UNC13C: variants seen among roughly 807,000 people sequenced by gnomAD.
The protein encoded by UNC13C is unc-13 homolog C.
A neutral mutation model predicts 245.4 loss-of-function variants in UNC13C; 174 were observed. That is an observed-to-expected ratio of 0.71 (90% confidence interval 0.63 to 0.80). The LOEUF is 0.80. Among genes scored for constraint, UNC13C ranks in the 30% least tolerant of loss-of-function variants. The pLI is 0.00. For missense variants in UNC13C, 2,829 were observed against 2,602.9 expected (o/e 1.09, Z -1.89); for synonymous variants, 992 against 895.1 (o/e 1.11, Z -1.93).
the UNC13C span, among the ~76,000 whole-genome samples, chr15:53,928,983 G>A: frequency 6.6e-6 from 1 of 152,180 alleles, no homozygotes; most frequent in Non-Finnish European, 1.5e-5. Context: ...AGTGTTTGCT[G>A]GGTGATATTA....
intron 4 of UNC13C, among the ~76,000 whole-genome samples, chr15:54,158,718 T>C (rs922831528): frequency 6.6e-6 from 1 of 152,052 alleles, no homozygotes; most frequent in African/African-American, 2.4e-5. Flanking sequence ...GGCACAATCA[T>C]GGTTCACTGC....
intron 7 of UNC13C, among the ~76,000 whole-genome samples, chr15:54,244,391 G>C (rs527691375): frequency 6.6e-6 from 1 of 152,122 alleles, no homozygotes; most frequent in Non-Finnish European, 1.5e-5. Flanking sequence ...ACTATAGTTC[G>C]AAGGTGGGTA....
At chr15:54,548,640 T>A (rs1307759426) in intron 27 of UNC13C, among the ~76,000 whole-genome samples, 1 of 152,094 alleles carries the variant, frequency 6.6e-6, no homozygotes, top group Non-Finnish European at 1.5e-5. Flanking sequence ...AGCCCTATTA[T>A]TTTTAGTGTG....
At chr15:54,530,733 C>T (rs770343091) in intron 25 of UNC13C, among the ~76,000 whole-genome samples, 6 of 152,014 alleles carry the variant, frequency 3.9e-5, no homozygotes, top group Non-Finnish European at 8.8e-5. Flanking sequence ...TAACAGTGGC[C>T]ATGAGATAAG....
intron 2 of UNC13C, among the ~76,000 whole-genome samples, chr15:54,054,421 C>T (rs991187789): frequency 5.3e-5 from 8 of 152,218 alleles, no homozygotes; most frequent in Admixed American, 4.6e-4. Flanking sequence ...AGGCTGCCCT[C>T]GTTAAATTGT....
At chr15:53,951,675 G>C in the UNC13C span, among the ~76,000 whole-genome samples, 1 of 152,054 alleles carries the variant, frequency 6.6e-6, no homozygotes, top group African/African-American at 2.4e-5. Flanking sequence ...AGTTCTGTTT[G>C]GCCCGCAAAT....
intron 19 of UNC13C, among the ~76,000 whole-genome samples, chr15:54,452,262 C>T (rs1891221255): frequency 6.6e-6 from 1 of 152,170 alleles, no homozygotes; most frequent in Admixed American, 6.5e-5. Context: ...TTGGTTTGCT[C>T]AGATGCCAGC....
chr15:54,458,680 C>CTTTTTTTTTTTTTTTTTTTTTTTT (rs79291504), intron 19 of UNC13C, among the ~76,000 whole-genome samples: 2 of 65,974 alleles, frequency 3.0e-5, no homozygotes, highest in Non-Finnish European at 5.2e-5. Context: ...CCTTTAAGGT[C>CTTTTTTTTTTTTTTTTTTTTTTTT]TTTTTTTTTT....
intron 1 of UNC13C, among the ~76,000 whole-genome samples, chr15:54,003,893 C>T (rs1012115144): frequency 7.9e-5 from 12 of 152,050 alleles, no homozygotes; most frequent in African/African-American, 2.4e-4. Flanking sequence ...CACCTGTAGT[C>T]CCAGCTACTT....
At chr15:54,060,735 T>C (rs1400044186) in intron 2 of UNC13C, among the ~76,000 whole-genome samples, 1 of 152,132 alleles carries the variant, frequency 6.6e-6, no homozygotes, top group East Asian at 1.9e-4. Context: ...CCAACAGTGA[T>C]AGACTGGATT....
At chr15:54,509,146 C>A (rs1255559718) in intron 23 of UNC13C, among the ~76,000 whole-genome samples, 1 of 152,148 alleles carries the variant, frequency 6.6e-6, no homozygotes, top group Non-Finnish European at 1.5e-5. Context: ...TTGCAGTGAG[C>A]CAAGATTGTG....
chr15:54,526,391 T>A (rs1421522260), intron 25 of UNC13C, among the ~76,000 whole-genome samples: 1 of 152,204 alleles, frequency 6.6e-6, no homozygotes, highest in Non-Finnish European at 1.5e-5. Context: ...AAATAACTGA[T>A]GTATTATTTT....
chr15:54,613,337 C>G (rs1900226841), intron 30 of UNC13C, among the ~76,000 whole-genome samples: 2 of 151,732 alleles, frequency 1.3e-5, no homozygotes, highest in South Asian at 4.1e-4. Context: ...TAAAAAATGT[C>G]TATTAAAATT....
intron 29 of UNC13C, among the ~76,000 whole-genome samples, chr15:54,566,100 C>T (rs1427937872): frequency 1.3e-5 from 2 of 151,948 alleles, no homozygotes; most frequent in Admixed American, 1.3e-4. Flanking sequence ...TCTAGCATTG[C>T]TCTTTACTCT....
the UNC13C span, among the ~76,000 whole-genome samples, chr15:53,902,666 G>C: frequency 5.3e-5 from 8 of 152,080 alleles, no homozygotes; most frequent in African/African-American, 1.9e-4. Flanking sequence ...AGTGCATAAG[G>C]GGGTATATAA....
intron 17 of UNC13C, among the ~76,000 whole-genome samples, chr15:54,340,940 A>G (rs1436980670): frequency 6.6e-6 from 1 of 152,148 alleles, no homozygotes; most frequent in Non-Finnish European, 1.5e-5. Context: ...GCTATTATTA[A>G]AACATCAAAA....
chr15:54,038,707 A>T (rs1283714106), intron 2 of UNC13C, among the ~76,000 whole-genome samples: 1 of 152,242 alleles, frequency 6.6e-6, no homozygotes, highest in Non-Finnish European at 1.5e-5. Flanking sequence ...AACACTGTTT[A>T]AGAAACCTAA....
At chr15:54,468,031 A>G (rs1237159902) in intron 19 of UNC13C, among the ~76,000 whole-genome samples, 2 of 151,676 alleles carry the variant, frequency 1.3e-5, no homozygotes, top group Admixed American at 6.6e-5. Flanking sequence ...TTTCTGAGAC[A>G]CTTCCATACT....
At chr15:54,375,460 G>A (rs2039585504) in intron 17 of UNC13C, among the ~76,000 whole-genome samples, 1 of 152,070 alleles carries the variant, frequency 6.6e-6, no homozygotes, top group South Asian at 2.1e-4. Flanking sequence ...AACGGAGTAC[G>A]GCAAAAACCA....
Sources: gnomAD v4.1 joint callset for allele counts (sites outside exome capture counted in the v4.1 genomes callset) on GRCh38, gnomAD v4.1.1 for gene constraint, MANE v1.5 for transcripts, NCBI Gene and HGNC (gene_info 2026-07-23, HGNC 2026-07-21) for gene names.